Variants in DCAF7 observed in about 807,000 individuals in gnomAD.
DCAF7 encodes DDB1- and CUL4-associated factor 7.
DCAF7 carries 4 observed loss-of-function variants against 41.2 expected under a neutral mutation model. That is an observed-to-expected ratio of 0.10 (90% CI 0.05 to 0.22). The LOEUF (loss-of-function observed/expected upper bound fraction) is 0.22, where lower values mean the gene tolerates loss of function less well. DCAF7 is among the 10% of genes least tolerant of loss of function. The pLI, the probability that DCAF7 is intolerant of heterozygous loss-of-function variation, is 1.00. For missense variants in DCAF7, 131 were observed against 443.2 expected (o/e 0.30, Z 6.32); for synonymous variants, 143 against 164.2 (o/e 0.87, Z 0.99).
intron 4 of DCAF7, 74 bp downstream of exon 4, chr17:63,580,017 C>G (rs971188081): frequency 2.7e-6 from 3 of 1,115,186 alleles, no homozygotes; most frequent in African/African-American, 3.1e-5. Context: ...TCAGCTTGTT[C>G]TCTCATTGTT....
chr17:63,554,600 C>T (rs2033292292), intron 1 of DCAF7, among the ~76,000 whole-genome samples: 2 of 152,234 alleles, frequency 1.3e-5, no homozygotes, highest in East Asian at 1.9e-4. Context: ...TTTGTATTGC[C>T]TTGGGCAAGT....
intron 1 of DCAF7, among the ~76,000 whole-genome samples, chr17:63,562,260 C>A (rs1192276767): frequency 1.3e-5 from 2 of 152,042 alleles, no homozygotes; most frequent in Non-Finnish European, 2.9e-5. Context: ...AAATTTAGAA[C>A]CCCTAATTCA....
intron 1 of DCAF7, among the ~76,000 whole-genome samples, chr17:63,565,603 C>G (rs2033431845): frequency 6.6e-6 from 1 of 151,838 alleles, no homozygotes; most frequent in Admixed American, 6.6e-5. Flanking sequence ...TAAAATGGAG[C>G]TTTGTGATAT....
At chr17:63,571,151 A>G (rs1233668006) in intron 1 of DCAF7, among the ~76,000 whole-genome samples, 1 of 152,088 alleles carries the variant, frequency 6.6e-6, no homozygotes, top group Non-Finnish European at 1.5e-5. Context: ...GTGCCACTGC[A>G]TTGCAGTCTG....
At chr17:63,558,966 A>G (rs2033339328) in intron 1 of DCAF7, among the ~76,000 whole-genome samples, 1 of 152,192 alleles carries the variant, frequency 6.6e-6, no homozygotes, top group African/African-American at 2.4e-5. Flanking sequence ...AAATGAACTC[A>G]GAATACAAAA....
intron 1 of DCAF7, among the ~76,000 whole-genome samples, chr17:63,569,808 G>A (rs1598030827): frequency 1.3e-5 from 2 of 152,256 alleles, no homozygotes; most frequent in South Asian, 4.2e-4. Flanking sequence ...TGCCTCCCGG[G>A]TTCAAGTGAT....
intron 1 of DCAF7, among the ~76,000 whole-genome samples, chr17:63,573,730 C>T (rs1253905222): frequency 1.8e-5 from 2 of 112,516 alleles, no homozygotes; most frequent in South Asian, 5.6e-4. Flanking sequence ...AAATCCGTCT[C>T]AAAAAAAAAA....
intron 1 of DCAF7, among the ~76,000 whole-genome samples, chr17:63,552,869 G>T (rs913973521): frequency 4.6e-5 from 7 of 152,196 alleles, no homozygotes; most frequent in African/African-American, 1.7e-4. Flanking sequence ...GCATGGCTTA[G>T]CAGTGAAATG....
rs115900763 is a variant in DCAF7 at position 63,562,521 on chromosome 17, A to C, written c.138+11706A>C. 5.3e-3 allele frequency among the ~76,000 whole-genome samples: 798 copies of C among 149,776 alleles called. 8 individuals carry two copies. Among genetic ancestry groups the C allele is most frequent in the African/African-American group, 0.019 (765 of 39,886 alleles). ...ACAGCAGAAAATATTTTCTTTTTTTATTTTTTATTTTTTATTTTTTATTAT... is the reference window on the plus strand; with the variant it reads ...ACAGCAGAAAATATTTTCTTTTTTTCTTTTTTATTTTTTATTTTTTATTAT... On this transcript the variant is annotated intron_variant, in intron 1 of 6. Coordinates refer to ENST00000614556, the MANE Select transcript of DCAF7 (RefSeq NM_005828.5).
In DCAF7 at chr17:63,550,862, C is replaced by T; in HGVS notation, c.138+47C>T. Reference sequence around the variant, plus strand: ...AACCCAGCTGGCGGGGAGCGGGCCCCGGGAGCGCCCTTTCCGGGCCGGAGC... The same window carrying T: ...AACCCAGCTGGCGGGGAGCGGGCCCTGGGAGCGCCCTTTCCGGGCCGGAGC... On this transcript the variant is annotated intron_variant, in intron 1 of 6. Transcript: ENST00000614556. The surrounding 1 kb of genome is among the most constrained non-coding windows in gnomAD (Gnocchi z 4.8). 2 of 1,589,954 alleles carry T rather than the reference C, an allele frequency of 1.3e-6. No individual in the cohort carries two copies. The highest frequency in any genetic ancestry group is 1.1e-5 in the South Asian group (1 of 89,038).
intron 1 of DCAF7, among the ~76,000 whole-genome samples, chr17:63,555,108 G>T (rs563337533): frequency 3.0e-4 from 45 of 152,306 alleles, no homozygotes; most frequent in Admixed American, 4.6e-4. Flanking sequence ...CAATATGTTT[G>T]GTCTTTAGGC....
At chr17:63,579,283 A>G in intron 2 of DCAF7, 54 bp from the exon 3 acceptor site, 1 of 1,249,142 alleles carries the variant, frequency 8.0e-7, no homozygotes, top group Non-Finnish European at 1.1e-6. Flanking sequence ...TTTTTAAAAG[A>G]CTTTTTATGA....
chr17:63,557,646 C>T (rs376766643), intron 1 of DCAF7, among the ~76,000 whole-genome samples: 1 of 152,012 alleles, frequency 6.6e-6, no homozygotes, highest in Non-Finnish European at 1.5e-5. Flanking sequence ...AGAGATCTGA[C>T]GTAAGTATAA....
At chr17:63,571,480 AAATG>A (rs1196108277) in intron 1 of DCAF7, among the ~76,000 whole-genome samples, 3 of 152,160 alleles carry the variant, frequency 2.0e-5, no homozygotes, top group Non-Finnish European at 4.4e-5. Flanking sequence ...GGAAAAAAGA[AAATG>A]AATGGTTATC....
chr17:63,581,949 G>A (rs1041312156), intron 4 of DCAF7, among the ~76,000 whole-genome samples: 6 of 152,140 alleles, frequency 3.9e-5, no homozygotes, highest in Non-Finnish European at 7.3e-5. Context: ...CCATGCTAGC[G>A]GAGCACTGAA....
At chr17:63,554,235 T>C (rs1238375190) in intron 1 of DCAF7, among the ~76,000 whole-genome samples, 1 of 152,228 alleles carries the variant, frequency 6.6e-6, no homozygotes, top group Non-Finnish European at 1.5e-5. Context: ...GTTATTATGT[T>C]TCTACCTTCT....
chr17:63,556,561 T>A lies in DCAF7; in HGVS notation c.138+5746T>A, dbSNP rs771934519. Among the ~76,000 whole-genome samples the A allele has an allele frequency of 3.5e-5, 5 of 142,518 alleles. No homozygotes were observed. In the East Asian group the frequency reaches 1.1e-3, roughly 31 times the overall value. The allele number at this position is 142,518 out of a possible 152,430, so 93.5% of individuals were successfully genotyped here. On this transcript the variant is annotated intron_variant, in intron 1 of 6. Coordinates refer to ENST00000614556, the MANE Select transcript of DCAF7 (RefSeq NM_005828.5). ...TCCAGCCTAGGCAACAGAGCAAGAC[T>A]GTTTCAAAAAGAAAAAATAAATCAG...
At position 63,559,385 on chromosome 17, in the gene DCAF7, A is replaced by ATGTATATATATG. The variant is rs1568097773; in HGVS notation, c.138+8581_138+8582insGTGTATATATAT. Reference sequence around the variant, plus strand: ...TATGTATATATATATGTGTATATATATGTATATATATATGTATATATATGT... The same window carrying ATGTATATATATG: ...TATGTATATATATATGTGTATATATATGTATATATATGTGTATATATATATGTATATATATGT... On this transcript the variant is annotated intron_variant, in intron 1 of 6. Transcript: ENST00000614556. Among the ~76,000 whole-genome samples, 47 of 44,730 alleles carry ATGTATATATATG rather than the reference A, an allele frequency of 1.1e-3. 1 individual carries two copies. Among genetic ancestry groups the ATGTATATATATG allele is most frequent in the Middle Eastern group, 0.017 (1 of 58 alleles). 29.3% of individuals were successfully genotyped at this position (44,730 alleles called of 152,430 possible). A position where few individuals can be genotyped will look rare whatever the true frequency, so the allele number is the denominator to read the frequency against.
At chr17:63,577,207 T>C (rs1039603046) in intron 1 of DCAF7, among the ~76,000 whole-genome samples, 2 of 152,188 alleles carry the variant, frequency 1.3e-5, no homozygotes, top group Non-Finnish European at 2.9e-5. Flanking sequence ...GTGGGGGTTA[T>C]ACAACTGTAC....
Sources: gnomAD v4.1 joint callset for allele counts (sites outside exome capture counted in the v4.1 genomes callset) on GRCh38, gnomAD v4.1.1 for gene constraint, Gnocchi (gnomAD v3.1) non-coding constraint, MANE v1.5 for transcripts, NCBI Gene and HGNC (gene_info 2026-07-23, HGNC 2026-07-21) for gene names.